The following AFAP1L2 variants were observed in gnomAD, a reference collection of about 807,000 sequenced individuals.
AFAP1L2 encodes actin filament-associated protein 1-like 2.
AFAP1L2 carries 46 observed loss-of-function variants against 99.3 expected under a neutral mutation model. That is an observed-to-expected ratio of 0.46 (90% CI 0.37 to 0.59). The LOEUF is 0.59. AFAP1L2 is among the 20% of genes least tolerant of loss of function. The probability of loss-of-function intolerance (pLI) is 0.00; values close to 1 mark genes in which losing one functional copy is unlikely to be tolerated. For missense variants in AFAP1L2, 959 were observed against 1,034.9 expected, an observed-to-expected ratio of 0.93 and a Z score of 1.01; for synonymous variants, 397 against 419.1, an observed-to-expected ratio of 0.95 and a Z score of 0.64.
In AFAP1L2 at chr10:114,294,849, T is replaced by TA. The variant is rs1028089993; in HGVS notation, c.*1192dup. 5.4e-5 allele frequency: 48 copies of TA among 886,926 alleles called. No homozygotes were observed. The African/African-American group carries it at 9.2e-4, about 17-fold the overall frequency. 54.9% of individuals were successfully genotyped at this position (886,926 alleles called of 1,614,324 possible). ...TTCAAATACAATGAACATTTTATTTTAAAAAACCTAACTAACTCACCACTT... is the reference window on the plus strand; with the variant it reads ...TTCAAATACAATGAACATTTTATTTTAAAAAAACCTAACTAACTCACCACTT... On this transcript the variant is annotated 3_prime_UTR_variant, in exon 19 of 19. Transcript: ENST00000304129.
intron 3 of AFAP1L2, 24 bp downstream of exon 3, chr10:114,333,197 G>A: frequency 6.2e-7 from 1 of 1,604,044 alleles, no homozygotes; most frequent in Non-Finnish European, 8.5e-7. Context: ...CATCATACCA[G>A]CGTCAGTGAT....
chr10:114,283,773 G>A, the AFAP1L2 span, among the ~76,000 whole-genome samples: 3 of 152,380 alleles, frequency 2.0e-5, 1 homozygote, highest in East Asian at 3.9e-4. Context: ...GGCCACTGTC[G>A]TCGATCTCAG....
chr10:114,281,375 G>A, the AFAP1L2 span: 1 of 152,352 alleles, frequency 6.6e-6, no homozygotes, highest in Non-Finnish European at 1.5e-5. Context: ...GGTAGAGTGG[G>A]GGGATTTGGA....
At chr10:114,357,482 T>C (rs11813344) in intron 1 of AFAP1L2, among the ~76,000 whole-genome samples, 14,822 of 152,168 alleles carry the variant, frequency 0.097, 1,879 homozygotes, top group African/African-American at 0.29. Flanking sequence ...AATCTCACAG[T>C]ACCCTTGTCT....
chr10:114,304,657 C>T, intron 11 of AFAP1L2, 62 bp downstream of exon 11: 1 of 1,427,144 alleles, frequency 7.0e-7, no homozygotes, highest in Non-Finnish European at 9.5e-7. Context: ...TGGAGACTGG[C>T]AGCAAACAGC....
intron 2 of AFAP1L2, 140 bp downstream of exon 2, chr10:114,340,463 C>G (rs908891024): frequency 8.2e-7 from 1 of 1,219,798 alleles, no homozygotes; most frequent in Non-Finnish European, 1.1e-6. Flanking sequence ...TGATGTTAGA[C>G]TTCTGGCCTC....
At chr10:114,314,110 T>C in intron 6 of AFAP1L2, 60 bp from the exon 7 acceptor site, 1 of 1,539,686 alleles carries the variant, frequency 6.5e-7, no homozygotes, top group Non-Finnish European at 8.9e-7. Context: ...AGGTGATGTC[T>C]GCAAAGGAGG....
At chr10:114,282,566 G>C in the AFAP1L2 span, 2 of 1,613,928 alleles carry the variant, frequency 1.2e-6, no homozygotes, top group Non-Finnish European at 1.7e-6. Flanking sequence ...AGGACCACCT[G>C]CCCAGGTATG....
chr10:114,287,995 G>A, the AFAP1L2 span, among the ~76,000 whole-genome samples: 2 of 152,120 alleles, frequency 1.3e-5, no homozygotes, highest in Non-Finnish European at 2.9e-5. Context: ...GTGTGGGAGT[G>A]GTTTTAAAAA....
At chr10:114,305,358 A>AG in intron 10 of AFAP1L2, among the ~76,000 whole-genome samples, 1 of 144,602 alleles carries the variant, frequency 6.9e-6, no homozygotes. Flanking sequence ...GGGCTGCAGG[A>AG]GGGAGCGGGG....
intron 1 of AFAP1L2, among the ~76,000 whole-genome samples, chr10:114,401,218 C>G (rs2058202936): frequency 6.6e-6 from 1 of 152,204 alleles, no homozygotes; most frequent in Non-Finnish European, 1.5e-5. Context: ...AATATCTCAA[C>G]CAGGCCCATC....
At chr10:114,405,131 G>A (rs2058590789), upstream of AFAP1L2, among the ~76,000 whole-genome samples, 1 of 152,178 alleles carries the variant, frequency 6.6e-6, no homozygotes, top group South Asian at 2.1e-4. Context: ...GAAAACATCT[G>A]CTTGCTGCTT....
chr10:114,290,362 A>C, downstream of AFAP1L2: 1 of 1,550,484 alleles, frequency 6.4e-7, no homozygotes, highest in Non-Finnish European at 8.7e-7. Flanking sequence ...CCACTGCGAG[A>C]ACCGTGAGTG....
In AFAP1L2 at chr10:114,315,782, C is replaced by A. The variant is rs1182014666; in HGVS notation, c.407-17G>T. On this transcript the variant is annotated splice_polypyrimidine_tract_variant and intron_variant, in intron 5 of 18. Transcript: ENST00000304129. ...CTCCGTCCTCTGCAAGGAAGACCAGCTCGGTCAGGGCCCCATGGGGCAGGG... is the reference window on the plus strand; with the variant it reads ...CTCCGTCCTCTGCAAGGAAGACCAGATCGGTCAGGGCCCCATGGGGCAGGG... 8 of 1,599,684 alleles carry A rather than the reference C, an allele frequency of 5.0e-6. No homozygotes were observed. The East Asian group carries it at 1.8e-4, about 36-fold the overall frequency.
chr10:114,310,554 G>T, intron 7 of AFAP1L2, 111 bp from the exon 8 acceptor site: 4 of 955,056 alleles, frequency 4.2e-6, no homozygotes, highest in Non-Finnish European at 6.2e-6. Flanking sequence ...GGAGGTGAGA[G>T]AGAAGATGAA....
Position 114,300,571 on chromosome 10 carries a change from C to T in AFAP1L2, c.1662G>A (p.Gln554=). The T allele has an allele frequency of 1.2e-6, 2 of 1,614,170 alleles. No homozygotes were observed. The highest frequency in any genetic ancestry group is 1.7e-6 in the Non-Finnish European group (2 of 1,180,016). ...KSFLHGPSSA[Q]AQASSPTLSC... Reference sequence around the variant, plus strand: ...ACAACGTCGGGGAGGAGGCCTGGGCCTGTGCACTGCTGGGGCCATGCAGAA... The same window carrying T: ...ACAACGTCGGGGAGGAGGCCTGGGCTTGTGCACTGCTGGGGCCATGCAGAA... Residue 554 remains glutamine (Q), a synonymous_variant, in exon 14 of 19, where the codon CAG becomes CAA. Transcript: ENST00000304129.
chr10:114,291,306 A>G (rs1462660823), downstream of AFAP1L2: 2 of 1,493,104 alleles, frequency 1.3e-6, no homozygotes, highest in Non-Finnish European at 1.8e-6. Flanking sequence ...AGGCCTGGGC[A>G]CTGAAATGGT....
chr10:114,290,123 G>A, downstream of AFAP1L2: 1 of 1,391,974 alleles, frequency 7.2e-7, no homozygotes, highest in South Asian at 1.4e-5. Context: ...AGCTACCGGG[G>A]CAAAGGGAGA....
the AFAP1L2 span, chr10:114,284,884 G>A: frequency 9.3e-6 from 15 of 1,609,294 alleles, no homozygotes; most frequent in Middle Eastern, 1.8e-4. Flanking sequence ...TCGCAGCCCT[G>A]CCAGAATGGA....
Sources: allele counts gnomAD v4.1 joint callset (sites outside exome capture counted in the v4.1 genomes callset), GRCh38; gene constraint gnomAD v4.1.1; transcripts MANE v1.5; gene names NCBI Gene and HGNC (gene_info 2026-07-23, HGNC 2026-07-21).